OXR1: variants seen among roughly 807,000 people sequenced by gnomAD.
OXR1 encodes the protein oxidation resistance 1.
Under a neutral mutation model 104.6 loss-of-function variants are expected in OXR1, and 41 were observed. The observed-to-expected ratio is 0.39, with a 90% confidence interval of 0.31 to 0.51. The LOEUF (loss-of-function observed/expected upper bound fraction) is 0.51, where lower values mean the gene tolerates loss of function less well. OXR1 is among the 20% of genes least tolerant of loss of function. The pLI is 0.77. For missense variants in OXR1, 955 were observed against 1,031.9 expected (o/e 0.93, Z 1.02); for synonymous variants, 348 against 348.4 (o/e 1.00, Z 0.01).
chr8:106,557,349 G>C (rs1816358218), intron 3 of OXR1, among the ~76,000 whole-genome samples: 1 of 152,094 alleles, frequency 6.6e-6, no homozygotes, highest in Non-Finnish European at 1.5e-5. Flanking sequence ...AGGTTAAAAT[G>C]AAATTTTAAT....
chr8:106,538,440 C>T (rs943561204), intron 3 of OXR1, among the ~76,000 whole-genome samples: 1 of 152,110 alleles, frequency 6.6e-6, no homozygotes, highest in African/African-American at 2.4e-5. Flanking sequence ...TGTATCATCT[C>T]TTTTCTACTA....
At chr8:106,519,470 T>C (rs1813098804) in intron 3 of OXR1, among the ~76,000 whole-genome samples, 1 of 152,250 alleles carries the variant, frequency 6.6e-6, no homozygotes, top group Non-Finnish European at 1.5e-5. Context: ...ATTTTCATTT[T>C]AGCCATTGTT....
At chr8:106,290,306 T>A (rs567695767) in intron 1 of OXR1, among the ~76,000 whole-genome samples, 6 of 152,000 alleles carry the variant, frequency 3.9e-5, no homozygotes, top group Non-Finnish European at 8.8e-5. Context: ...TTAACTCAAG[T>A]TGGATTAAAA....
chr8:106,394,507 T>A (rs1817703237), intron 2 of OXR1, among the ~76,000 whole-genome samples: 1 of 152,066 alleles, frequency 6.6e-6, no homozygotes. Flanking sequence ...ATATTCATAA[T>A]CATTAAAAAC....
At chr8:106,567,550 T>C (rs184962466) in intron 3 of OXR1, among the ~76,000 whole-genome samples, 9 of 152,274 alleles carry the variant, frequency 5.9e-5, no homozygotes. Context: ...AGGAGTTACT[T>C]TTCTGGAGTT....
chr8:106,372,155 G>A (rs1036968397), intron 2 of OXR1, among the ~76,000 whole-genome samples: 18 of 152,196 alleles, frequency 1.2e-4, no homozygotes, highest in East Asian at 3.9e-4. Context: ...GCATGGGTTC[G>A]CAACTGGTAT....
intron 1 of OXR1, among the ~76,000 whole-genome samples, chr8:106,347,500 C>T (rs1271657965): frequency 6.6e-6 from 1 of 152,074 alleles, no homozygotes; most frequent in African/African-American, 2.4e-5. Context: ...CTTATATAAC[C>T]TTTATAACAT....
intron 2 of OXR1, among the ~76,000 whole-genome samples, chr8:106,495,021 G>A (rs1811325256): frequency 6.6e-6 from 1 of 152,120 alleles, no homozygotes; most frequent in Non-Finnish European, 1.5e-5. Flanking sequence ...TCACAGTAGG[G>A]TAGTGGAGCT....
intron 1 of OXR1, among the ~76,000 whole-genome samples, chr8:106,278,439 T>C (rs1462819090): frequency 6.6e-6 from 1 of 151,962 alleles, no homozygotes; most frequent in Admixed American, 6.6e-5. Context: ...GCTACTAAGA[T>C]TTATGTACAA....
Position 106,664,194 on chromosome 8 carries a change from A to T in OXR1, c.221-15016A>T, listed in dbSNP as rs536399583. Among the ~76,000 whole-genome samples, 19 of 152,320 alleles carry T rather than the reference A, an allele frequency of 1.2e-4. No individual in the cohort carries two copies. In the South Asian group the frequency reaches 3.9e-3, roughly 32 times the overall value. Reference sequence around the variant, plus strand: ...TTAGAATTGCTGCTTGTCTCACAGGATAGCTGATAGGAAGTTCTGTATTAT... The same window carrying T: ...TTAGAATTGCTGCTTGTCTCACAGGTTAGCTGATAGGAAGTTCTGTATTAT... On this transcript the variant is annotated intron_variant, in intron 3 of 16. Transcript: ENST00000517566.
intron 1 of OXR1, among the ~76,000 whole-genome samples, chr8:106,280,156 C>T (rs1812218910): frequency 6.6e-6 from 1 of 152,114 alleles, no homozygotes; most frequent in Non-Finnish European, 1.5e-5. Flanking sequence ...GATGCAGAAA[C>T]TTGTTTTAGT....
chr8:106,386,988 T>C (rs930575361), intron 2 of OXR1, among the ~76,000 whole-genome samples: 7 of 152,130 alleles, frequency 4.6e-5, no homozygotes, highest in Admixed American at 3.9e-4. Context: ...ATGAAGCTGC[T>C]TCAGTAAGCC....
chr8:106,448,755 C>G (rs1178540658), intron 2 of OXR1, among the ~76,000 whole-genome samples: 1 of 152,132 alleles, frequency 6.6e-6, no homozygotes, highest in Non-Finnish European at 1.5e-5. Flanking sequence ...TTTAGAAAAT[C>G]AGTTAAAACA....
At chr8:106,279,348 A>G (rs1386936953) in intron 1 of OXR1, among the ~76,000 whole-genome samples, 1 of 152,212 alleles carries the variant, frequency 6.6e-6, no homozygotes, top group East Asian at 1.9e-4. Flanking sequence ...ATTTTAACAT[A>G]GCCTTTAAGG....
At chr8:106,543,424 C>A (rs1049194868) in intron 3 of OXR1, among the ~76,000 whole-genome samples, 1 of 152,068 alleles carries the variant, frequency 6.6e-6, no homozygotes, top group Non-Finnish European at 1.5e-5. Flanking sequence ...GAAATTGTGT[C>A]ATTCTTAACC....
intron 7 of OXR1, among the ~76,000 whole-genome samples, chr8:106,699,509 G>A (rs1242578985): frequency 2.0e-5 from 3 of 152,022 alleles, no homozygotes; most frequent in Non-Finnish European, 2.9e-5. Flanking sequence ...CTAGCATTCC[G>A]GTGTCTGAAA....
chr8:106,328,566 C>G (rs765375394), intron 1 of OXR1, among the ~76,000 whole-genome samples: 32 of 152,128 alleles, frequency 2.1e-4, no homozygotes, highest in Admixed American at 5.2e-4. Flanking sequence ...TGTAAGGCTA[C>G]CGTGCTGGAA....
intron 16 of OXR1, among the ~76,000 whole-genome samples, chr8:106,749,729 C>T (rs1251847195): frequency 6.6e-6 from 1 of 152,186 alleles, no homozygotes; most frequent in African/African-American, 2.4e-5. Flanking sequence ...TAGAGAATCC[C>T]AAGGGATAGC....
At chr8:106,437,723 T>C (rs1368048233) in intron 2 of OXR1, among the ~76,000 whole-genome samples, 1 of 152,186 alleles carries the variant, frequency 6.6e-6, no homozygotes, top group African/African-American at 2.4e-5. Context: ...ATAATCTCTT[T>C]AATGGCTGTT....
Sources: allele counts gnomAD v4.1 joint callset (sites outside exome capture counted in the v4.1 genomes callset), GRCh38; gene constraint gnomAD v4.1.1; transcripts MANE v1.5; gene names NCBI Gene and HGNC (gene_info 2026-07-23, HGNC 2026-07-21).